The following SYK variants were observed in gnomAD, a reference collection of about 807,000 sequenced individuals.
The protein encoded by SYK is spleen associated tyrosine kinase, also known as tyrosine-protein kinase SYK.
SYK carries 16 observed loss-of-function variants against 77.8 expected under a neutral mutation model. The ratio of observed to expected loss-of-function variants is 0.21; its 90% confidence interval spans 0.14 to 0.31. The LOEUF (loss-of-function observed/expected upper bound fraction) is 0.31. SYK is among the 10% of genes least tolerant of loss of function. SYK has a pLI of 1.00. For missense variants in SYK, 529 were observed against 814.4 expected (o/e 0.65, Z 4.26); for synonymous variants, 312 against 308.7 (o/e 1.01, Z -0.11).
intron 1 of SYK, among the ~76,000 whole-genome samples, chr9:90,837,664 T>TA (rs1278046335): frequency 1.3e-5 from 2 of 152,058 alleles, no homozygotes; most frequent in African/African-American, 4.8e-5. Flanking sequence ...ACCTTCAGGG[T>TA]AGGGAATTGT....
At chr9:90,855,469 G>C (rs952433850) in intron 3 of SYK, among the ~76,000 whole-genome samples, 16 of 152,114 alleles carry the variant, frequency 1.1e-4, no homozygotes, top group Non-Finnish European at 2.2e-4. Context: ...GCTCTGATTT[G>C]CACACCCCTG....
chr9:90,824,882 A>G (rs1324208259), intron 1 of SYK, among the ~76,000 whole-genome samples: 1 of 152,196 alleles, frequency 6.6e-6, no homozygotes, highest in Non-Finnish European at 1.5e-5. Context: ...AGTGCAAGAA[A>G]ACAAAACAAA....
chr9:90,819,305 A>G (rs1295057066), intron 1 of SYK, among the ~76,000 whole-genome samples: 1 of 152,226 alleles, frequency 6.6e-6, no homozygotes, highest in African/African-American at 2.4e-5. Context: ...AATCACAGTC[A>G]TTTATCTGTA....
intron 3 of SYK, among the ~76,000 whole-genome samples, chr9:90,856,322 AC>A (rs1216033406): frequency 1.3e-5 from 2 of 152,144 alleles, no homozygotes; most frequent in African/African-American, 2.4e-5. Flanking sequence ...GTTCTGAAAA[AC>A]ATCTTGCTAC....
At chr9:90,814,021 T>A (rs1481408447) in intron 1 of SYK, among the ~76,000 whole-genome samples, 2 of 152,216 alleles carry the variant, frequency 1.3e-5, no homozygotes, top group Non-Finnish European at 2.9e-5. Context: ...GACCATGGCA[T>A]GGAGAGTTTT....
chr9:90,810,967 G>GA (rs1010774265), intron 1 of SYK, among the ~76,000 whole-genome samples: 8 of 146,782 alleles, frequency 5.5e-5, no homozygotes, highest in Non-Finnish European at 9.0e-5. Context: ...AAATCGTTTG[G>GA]AAAAAAAAAC....
At chr9:90,826,513 G>A (rs559759038) in intron 1 of SYK, among the ~76,000 whole-genome samples, 1 of 152,348 alleles carries the variant, frequency 6.6e-6, no homozygotes, top group African/African-American at 2.4e-5. Context: ...CAAGTTTGGG[G>A]TGCAGGTGCA....
chr9:90,880,511 A>G (rs969419591), intron 11 of SYK, among the ~76,000 whole-genome samples: 5 of 152,218 alleles, frequency 3.3e-5, no homozygotes, highest in African/African-American at 1.2e-4. Context: ...GATGACCAGC[A>G]TGGGACATGC....
chr9:90,874,352 T>C, intron 8 of SYK, 61 bp downstream of exon 8: 1 of 1,535,264 alleles, frequency 6.5e-7, no homozygotes, highest in Non-Finnish European at 9.0e-7. Context: ...ACTTGTAAGT[T>C]TGTAGAGTTG....
intron 13 of SYK, among the ~76,000 whole-genome samples, chr9:90,892,472 C>T (rs1249360678): frequency 6.6e-6 from 1 of 152,230 alleles, no homozygotes; most frequent in Non-Finnish European, 1.5e-5. Flanking sequence ...ATATTTTCAA[C>T]TCAAAATAAT....
chr9:90,802,879 G>C (rs770095215), intron 1 of SYK, among the ~76,000 whole-genome samples: 7 of 142,970 alleles, frequency 4.9e-5, no homozygotes, highest in African/African-American at 1.8e-4. Context: ...AATAAAAAAA[G>C]GAACCATTTA....
At chr9:90,882,552 A>G (rs1329226191) in intron 11 of SYK, among the ~76,000 whole-genome samples, 1 of 152,246 alleles carries the variant, frequency 6.6e-6, no homozygotes, top group African/African-American at 2.4e-5. Flanking sequence ...CCTCTGTACT[A>G]TCACTTGCTT....
chr9:90,895,341 C>G lies in SYK; in HGVS notation c.1836-187C>G, dbSNP rs1007898142. On this transcript the variant is annotated intron_variant, in intron 13 of 13. Coordinates refer to ENST00000375754, the MANE Select transcript of SYK (RefSeq NM_003177.7). The surrounding 1 kb of genome is among the most constrained non-coding windows in gnomAD (Gnocchi z 4.4). ...GTTATTTAGGTCTACAGTAGGCCGA[C>G]ACTATTTTTGACAGCCTTGTGGTCA... 6.6e-6 allele frequency among the ~76,000 whole-genome samples: 1 copy of G among 152,162 alleles called. No homozygotes were observed. Among genetic ancestry groups the G allele is most frequent in the African/African-American group, 2.4e-5 (1 of 41,434 alleles).
At chr9:90,839,940 T>C (rs1420041389) in intron 1 of SYK, among the ~76,000 whole-genome samples, 1 of 151,954 alleles carries the variant, frequency 6.6e-6, no homozygotes, top group Non-Finnish European at 1.5e-5. Context: ...GGACTGGGCA[T>C]GTTGGAATAG....
At chr9:90,840,034 G>A (rs1463911941) in intron 1 of SYK, among the ~76,000 whole-genome samples, 1 of 152,130 alleles carries the variant, frequency 6.6e-6, no homozygotes, top group Non-Finnish European at 1.5e-5. Context: ...AGAAGGTGAG[G>A]AGTGAAGGGC....
rs563530159 is a variant in SYK at position 90,893,716 on chromosome 9, T to C, written c.1836-1812T>C. On this transcript the variant is annotated intron_variant, in intron 13 of 13. Coordinates refer to ENST00000375754, the MANE Select transcript of SYK (RefSeq NM_003177.7). ...AACTTTAAAAGAGAACAGAAAATTA[T>C]GGGGAGGGAAGCCTCACACTTCCAG... 3.9e-5 allele frequency among the ~76,000 whole-genome samples: 6 copies of C among 152,310 alleles called. No homozygotes were observed. In the South Asian group the frequency reaches 1.2e-3, roughly 32 times the overall value.
chr9:90,861,289 G>A (rs867604892), intron 3 of SYK, among the ~76,000 whole-genome samples: 2 of 152,110 alleles, frequency 1.3e-5, no homozygotes, highest in South Asian at 2.1e-4. Context: ...AGACTCCTGT[G>A]TTTCTGTTCA....
intron 1 of SYK, among the ~76,000 whole-genome samples, chr9:90,840,826 A>G (rs952056589): frequency 2.0e-5 from 3 of 152,230 alleles, no homozygotes; most frequent in African/African-American, 4.8e-5. Context: ...CCCTCAAATT[A>G]TAATAAAACC....
At chr9:90,846,820 AG>A (rs1344082720) in intron 3 of SYK, among the ~76,000 whole-genome samples, 2 of 152,120 alleles carry the variant, frequency 1.3e-5, no homozygotes, top group Non-Finnish European at 2.9e-5. Flanking sequence ...TGGGGAGGGA[AG>A]ACATTGCCCC....
Sources: gnomAD v4.1 joint callset for allele counts (sites outside exome capture counted in the v4.1 genomes callset) on GRCh38, gnomAD v4.1.1 for gene constraint, Gnocchi (gnomAD v3.1) non-coding constraint, MANE v1.5 for transcripts, NCBI Gene and HGNC (gene_info 2026-07-23, HGNC 2026-07-21) for gene names.